The following OXR1 variants were observed in gnomAD, a reference collection of about 807,000 sequenced individuals.
OXR1 encodes oxidation resistance 1, also known as oxidation resistance protein 1.
In OXR1, 41 loss-of-function variants were observed where a neutral mutation model predicts 104.6. That is an observed-to-expected ratio of 0.39 (90% CI 0.31 to 0.51). The LOEUF (loss-of-function observed/expected upper bound fraction) is 0.51. Among genes scored for constraint, OXR1 ranks in the 20% least tolerant of loss-of-function variants. The pLI is 0.77. For missense variants in OXR1, 955 were observed against 1,031.9 expected, an observed-to-expected ratio of 0.93 and a Z score of 1.02; for synonymous variants, 348 against 348.4, an observed-to-expected ratio of 1.00 and a Z score of 0.01.
At chr8:106,661,086 G>A (rs1422576235) in intron 3 of OXR1, among the ~76,000 whole-genome samples, 2 of 152,024 alleles carry the variant, frequency 1.3e-5, no homozygotes, top group African/African-American at 4.8e-5. Context: ...ACTGAGGCAG[G>A]AGAATTGCTT....
At chr8:106,740,102 G>C in intron 13 of OXR1, 1 of 384,904 alleles carries the variant, frequency 2.6e-6, no homozygotes, top group Non-Finnish European at 4.6e-6. Context: ...TCTTATCTCT[G>C]TTCTAATCTG....
intron 2 of OXR1, among the ~76,000 whole-genome samples, chr8:106,433,955 A>G (rs2130570416): frequency 6.6e-6 from 1 of 152,312 alleles, no homozygotes; most frequent in Admixed American, 6.5e-5. Flanking sequence ...GATAATAGTG[A>G]TTGCGTTTAA....
intron 1 of OXR1, among the ~76,000 whole-genome samples, chr8:106,288,845 T>A (rs1236324355): frequency 6.6e-6 from 1 of 151,704 alleles, no homozygotes; most frequent in Non-Finnish European, 1.5e-5. Flanking sequence ...GTCATTTTCA[T>A]TCTGAATTTC....
chr8:106,436,044 G>A (rs1384069299), intron 2 of OXR1, among the ~76,000 whole-genome samples: 1 of 151,824 alleles, frequency 6.6e-6, no homozygotes, highest in Non-Finnish European at 1.5e-5. Flanking sequence ...TCCTTTCCAA[G>A]GAGAAATTTA....
At chr8:106,724,091 T>C (rs964265061) in intron 11 of OXR1, among the ~76,000 whole-genome samples, 4 of 152,140 alleles carry the variant, frequency 2.6e-5, no homozygotes, top group African/African-American at 9.7e-5. Context: ...AAATAATAAA[T>C]AGTGAGTAGG....
intron 3 of OXR1, among the ~76,000 whole-genome samples, chr8:106,587,310 T>C (rs1243979441): frequency 1.3e-5 from 2 of 151,468 alleles, no homozygotes; most frequent in Non-Finnish European, 2.9e-5. Flanking sequence ...AGATTATCAG[T>C]GGAGATTAAG....
At chr8:106,562,203 T>C (rs913547975) in intron 3 of OXR1, among the ~76,000 whole-genome samples, 2 of 151,956 alleles carry the variant, frequency 1.3e-5, no homozygotes, top group Non-Finnish European at 2.9e-5. Flanking sequence ...TTCTAACCCA[T>C]AGCAAGGAAG....
intron 3 of OXR1, among the ~76,000 whole-genome samples, chr8:106,622,505 C>T (rs1465998553): frequency 6.7e-6 from 1 of 148,292 alleles, no homozygotes; most frequent in African/African-American, 2.5e-5. Context: ...TCATATAATT[C>T]CCCCGCCATT....
At chr8:106,484,768 TAAAAACAAAAAC>T (rs1408914910) in intron 2 of OXR1, among the ~76,000 whole-genome samples, 1 of 151,664 alleles carries the variant, frequency 6.6e-6, no homozygotes. Context: ...GGTGTTTTTT[TAAAAACAAAAAC>T]AAAAACAAAA....
chr8:106,492,346 A>C (rs973511414), intron 2 of OXR1, among the ~76,000 whole-genome samples: 1 of 152,290 alleles, frequency 6.6e-6, no homozygotes, highest in African/African-American at 2.4e-5. Flanking sequence ...TCAGATGAAA[A>C]CTTTAAAAAG....
In OXR1 at chr8:106,684,462, A is replaced by C. The variant is rs148571201; in HGVS notation, c.525+103A>C. On this transcript the variant is annotated intron_variant, in intron 6 of 16. Coordinates refer to ENST00000517566, the MANE Select transcript of OXR1 (RefSeq NM_001198533.2). Reference sequence around the variant, plus strand: ...CCATTTTGACTATGGTTAGAATGAAATATTTCCTTTTTATTTTGTTGCTTA... The same window carrying C: ...CCATTTTGACTATGGTTAGAATGAACTATTTCCTTTTTATTTTGTTGCTTA... The C allele has an allele frequency of 1.5e-4, 95 of 642,962 alleles. No individual in the cohort carries two copies. In the African/African-American group the frequency reaches 1.5e-3, roughly 10 times the overall value. The allele number at this position is 642,962 out of a possible 1,614,324, so 39.8% of individuals were successfully genotyped here.
intron 3 of OXR1, among the ~76,000 whole-genome samples, chr8:106,664,414 C>T (rs1303810544): frequency 6.6e-6 from 1 of 152,150 alleles, no homozygotes; most frequent in Non-Finnish European, 1.5e-5. Context: ...GGTCTGGCAA[C>T]CACACTTTTC....
intron 3 of OXR1, among the ~76,000 whole-genome samples, chr8:106,522,295 C>A (rs1813319436): frequency 6.6e-6 from 1 of 152,120 alleles, no homozygotes; most frequent in South Asian, 2.1e-4. Flanking sequence ...ATAATATATG[C>A]ATATAACCTA....
chr8:106,311,835 T>A (rs1279278304), intron 1 of OXR1, among the ~76,000 whole-genome samples: 1 of 152,216 alleles, frequency 6.6e-6, no homozygotes, highest in African/African-American at 2.4e-5. Context: ...AACTTTCAGC[T>A]TCATCTGCTC....
At chr8:106,694,668 G>GTTTATATATTTAATATATAAATATATT (rs1829703042) in intron 7 of OXR1, among the ~76,000 whole-genome samples, 3 of 40,986 alleles carry the variant, frequency 7.3e-5, no homozygotes, top group Non-Finnish European at 1.2e-4. Context: ...ATAAATATAT[G>GTTTATATATTTAATATATAAATATATT]TTTATATATT....
At chr8:106,588,090 T>C (rs958889516) in intron 3 of OXR1, among the ~76,000 whole-genome samples, 1 of 151,716 alleles carries the variant, frequency 6.6e-6, no homozygotes, top group Admixed American at 6.6e-5. Context: ...TAGCTGGGAC[T>C]ACAGGCACCC....
At chr8:106,516,659 A>T (rs1230452382) in intron 2 of OXR1, among the ~76,000 whole-genome samples, 1 of 152,166 alleles carries the variant, frequency 6.6e-6, no homozygotes, top group East Asian at 1.9e-4. Context: ...TTTTTGTGGC[A>T]AGTAGTCATT....
chr8:106,647,899 G>T (rs565348172), intron 3 of OXR1, among the ~76,000 whole-genome samples: 1 of 152,274 alleles, frequency 6.6e-6, no homozygotes, highest in South Asian at 2.1e-4. Context: ...TATTTTCTGA[G>T]TTTATTAACA....
At chr8:106,422,323 T>G (rs28483597) in intron 2 of OXR1, among the ~76,000 whole-genome samples, 18,088 of 152,154 alleles carry the variant, frequency 0.12, 1,503 homozygotes, top group East Asian at 0.42. Context: ...ACATTTATTA[T>G]TTAAAAGACA....
Sources: gnomAD v4.1 joint callset for allele counts (sites outside exome capture counted in the v4.1 genomes callset) on GRCh38, gnomAD v4.1.1 for gene constraint, MANE v1.5 for transcripts, NCBI Gene and HGNC (gene_info 2026-07-23, HGNC 2026-07-21) for gene names.